The following SRRM3 variants were observed in gnomAD, a reference collection of about 807,000 sequenced individuals.
SRRM3 encodes the protein serine/arginine repetitive matrix 3.
In SRRM3, 27 loss-of-function variants were observed where a neutral mutation model predicts 66.2. That is an observed-to-expected ratio of 0.41 (90% CI 0.30 to 0.56). The LOEUF (loss-of-function observed/expected upper bound fraction) is 0.56, where lower values mean the gene tolerates loss of function less well. Ranked by LOEUF, SRRM3 falls within the 20% of genes least tolerant of loss-of-function variation. The pLI is 0.32. For missense variants in SRRM3, 918 were observed against 991.9 expected (o/e 0.93, Z 1.00); for synonymous variants, 391 against 414.9 (o/e 0.94, Z 0.70).
intron 11 of SRRM3, among the ~76,000 whole-genome samples, chr7:76,270,985 A>C (rs1583933213): frequency 6.6e-6 from 1 of 151,950 alleles, no homozygotes; most frequent in Non-Finnish European, 1.5e-5. Flanking sequence ...CAAAAAAAAA[A>C]AATCCATCTT....
intron 4 of SRRM3, 21 bp downstream of exon 4, chr7:76,260,055 G>A: frequency 6.7e-7 from 1 of 1,486,084 alleles, no homozygotes; most frequent in Non-Finnish European, 8.9e-7. Context: ...GCCGCGGCGG[G>A]GGTGGGGGGC....
intron 3 of SRRM3, among the ~76,000 whole-genome samples, chr7:76,252,435 C>T (rs782232630): frequency 2.0e-5 from 3 of 152,178 alleles, no homozygotes; most frequent in African/African-American, 4.8e-5. Context: ...GATTCTCCTG[C>T]GTCAGCCTCC....
At chr7:76,213,951 T>C (rs1396862065) in intron 1 of SRRM3, among the ~76,000 whole-genome samples, 2 of 151,854 alleles carry the variant, frequency 1.3e-5, no homozygotes, top group African/African-American at 4.8e-5. Flanking sequence ...TTTTTCTTAA[T>C]TTTTAGTAGA....
chr7:76,206,329 G>A (rs1440704380), intron 1 of SRRM3, among the ~76,000 whole-genome samples: 4 of 152,182 alleles, frequency 2.6e-5, no homozygotes, highest in African/African-American at 7.2e-5. Flanking sequence ...TGTTTGGGGG[G>A]CAGAGTGAGG....
intron 2 of SRRM3, 97 bp downstream of exon 2, chr7:76,235,396 G>A (rs1439151862): frequency 5.2e-6 from 6 of 1,152,336 alleles, no homozygotes; most frequent in Non-Finnish European, 7.1e-6. Flanking sequence ...GAACGTCGTG[G>A]GCGGGGAGAA....
chr7:76,235,347 A>G, intron 2 of SRRM3, 48 bp downstream of exon 2: 2 of 1,121,468 alleles, frequency 1.8e-6, no homozygotes, highest in Admixed American at 3.3e-5. Context: ...AGGCGGGGCG[A>G]GGGTGGGAGA....
chr7:76,248,301 C>A lies in SRRM3; in HGVS notation c.335+12C>A, dbSNP rs782260067. On this transcript the variant is annotated intron_variant, in intron 3 of 14. Transcript: ENST00000611745. Reference sequence around the variant, plus strand: ...CCTGGGGGCCACATGTGAGTGCTTACCTGTGTGGGGATGAGGGAGAGGGGG... The same window carrying A: ...CCTGGGGGCCACATGTGAGTGCTTAACTGTGTGGGGATGAGGGAGAGGGGG... 9.2e-5 allele frequency: 147 copies of A among 1,602,854 alleles called. No individual in the cohort carries two copies. The highest frequency in any genetic ancestry group is 1.2e-4 in the Non-Finnish European group (143 of 1,171,024).
intron 2 of SRRM3, among the ~76,000 whole-genome samples, chr7:76,239,456 G>A (rs1488114471): frequency 1.3e-5 from 2 of 152,138 alleles, no homozygotes; most frequent in Admixed American, 6.5e-5. Context: ...AGCACTCTGG[G>A]AGGCTGAGGA....
intron 11 of SRRM3, among the ~76,000 whole-genome samples, chr7:76,276,477 T>C (rs1802350837): frequency 6.6e-6 from 1 of 152,062 alleles, no homozygotes; most frequent in South Asian, 2.1e-4. Flanking sequence ...TATGGGATCA[T>C]AGAGGAGCGG....
chr7:76,255,691 T>G (rs1754799942), intron 3 of SRRM3, among the ~76,000 whole-genome samples: 1 of 151,806 alleles, frequency 6.6e-6, no homozygotes, highest in Non-Finnish European at 1.5e-5. Context: ...CAAGGGATCC[T>G]CCCACCTTGG....
chr7:76,240,591 G>A (rs797032900), intron 2 of SRRM3, among the ~76,000 whole-genome samples: 7 of 145,114 alleles, frequency 4.8e-5, no homozygotes, highest in African/African-American at 1.8e-4. Flanking sequence ...CTGCACTCCA[G>A]CCTGGGCAAC....
chr7:76,264,798 G>C lies in SRRM3; in HGVS notation c.708G>C (p.Lys236Asn), dbSNP rs922203134. The C allele has an allele frequency of 5.6e-6, 9 of 1,613,552 alleles. No individual in the cohort carries two copies. In the Middle Eastern group the frequency reaches 4.9e-4, roughly 88 times the overall value. Residue 236 changes from lysine to asparagine, a missense_variant, in exon 9 of 15, where the codon AAG (lysine) becomes AAC (asparagine). Lys to Asn is a moderately conservative substitution (Grantham distance 94). Transcript: ENST00000611745. ...GCTCCAAGTGCAAAAGAAAAGAGAA[G>C]AACAAAGAGAAGAAGAGGTAAGCGC... is the stretch of plus-strand genomic sequence containing the variant. ...SRSSKCKRKE[K>N]NKEKKRPHTE...
At chr7:76,268,320 T>C (rs1462983562) in intron 11 of SRRM3, 1 of 150,478 alleles carries the variant, frequency 6.6e-6, no homozygotes, top group Non-Finnish European at 1.5e-5. Context: ...TTCTGGTCTG[T>C]TGATTATAGA....
At chr7:76,234,054 C>T (rs1284044808) in intron 1 of SRRM3, among the ~76,000 whole-genome samples, 5 of 152,108 alleles carry the variant, frequency 3.3e-5, no homozygotes, top group African/African-American at 1.2e-4. Flanking sequence ...TTTCCTCCCT[C>T]CCTCCTTCCT....
intron 3 of SRRM3, among the ~76,000 whole-genome samples, chr7:76,249,686 G>T (rs957670347): frequency 6.6e-6 from 1 of 152,208 alleles, no homozygotes; most frequent in Non-Finnish European, 1.5e-5. Context: ...AATCCACTCA[G>T]ATGAGCCTTC....
rs1436339146 is a variant in SRRM3, at chr7:76,280,437, G to A, written c.1009-1004G>A. Among the ~76,000 whole-genome samples, 8 of 147,598 alleles carry A rather than the reference G, an allele frequency of 5.4e-5. No individual in the cohort carries two copies. In the East Asian group the frequency reaches 1.6e-3, roughly 30 times the overall value. ...CCCTCGCCCACCCCCAAGCGCTGGG[G>A]GTCCGGCCTGGTGGGCTGGCCCTGG... On this transcript the variant is annotated intron_variant, in intron 11 of 14. Coordinates refer to ENST00000611745, the MANE Select transcript of SRRM3 (RefSeq NM_001110199.3).
rs1801970813 is a variant in SRRM3, at chr7:76,264,932, A to T, written c.725+117A>T. On this transcript the variant is annotated intron_variant, in intron 9 of 14. Transcript: ENST00000611745. ...AAGGTAGCTCATTTTGCCCAGATGG[A>T]AAAATTAAGATCTAGAAAGAAAGCC... The T allele has an allele frequency of 3.5e-6, 4 of 1,143,522 alleles. No homozygotes were observed. The East Asian group carries it at 1.0e-4, about 29-fold the overall frequency. 70.8% of individuals were successfully genotyped at this position (1,143,522 alleles called of 1,614,324 possible). A position where few individuals can be genotyped will look rare whatever the true frequency, so the allele number is the denominator to read the frequency against.
At chr7:76,225,957 C>A (rs531710552) in intron 1 of SRRM3, among the ~76,000 whole-genome samples, 1 of 152,264 alleles carries the variant, frequency 6.6e-6, no homozygotes, top group Admixed American at 6.5e-5. Flanking sequence ...CCTCTCAAAT[C>A]AGGGGTCCCC....
intron 1 of SRRM3, among the ~76,000 whole-genome samples, chr7:76,230,473 G>T (rs781935332): frequency 7.9e-5 from 12 of 152,000 alleles, no homozygotes; most frequent in Non-Finnish European, 1.2e-4. Context: ...AACATAGCAA[G>T]ATCCCATCTC....
Sources: gnomAD v4.1 joint callset for allele counts (sites outside exome capture counted in the v4.1 genomes callset) on GRCh38, gnomAD v4.1.1 for gene constraint, MANE v1.5 for transcripts, NCBI Gene and HGNC (gene_info 2026-07-23, HGNC 2026-07-21) for gene names.